NUDT3: variants seen among roughly 807,000 people sequenced by gnomAD.
NUDT3 encodes the protein diphosphoinositol polyphosphate phosphohydrolase 1.
NUDT3 carries 9 observed loss-of-function variants against 23.6 expected under a neutral mutation model. That is an observed-to-expected ratio of 0.38 (90% CI 0.23 to 0.66). The LOEUF (loss-of-function observed/expected upper bound fraction) is 0.66. Among genes scored for constraint, NUDT3 ranks in the 30% least tolerant of loss-of-function variants. The probability of loss-of-function intolerance (pLI) is 0.52; values close to 1 mark genes in which losing one functional copy is unlikely to be tolerated. For missense variants in NUDT3, 172 were observed against 218.5 expected, an observed-to-expected ratio of 0.79 and a Z score of 1.34; for synonymous variants, 86 against 82.6, an observed-to-expected ratio of 1.04 and a Z score of -0.22.
chr6:34,380,089 T>A (rs866629109), intron 1 of NUDT3, among the ~76,000 whole-genome samples: 4 of 152,138 alleles, frequency 2.6e-5, no homozygotes, highest in Non-Finnish European at 5.9e-5. Context: ...TTTATTTATT[T>A]ATTTATTTTT....
intron 1 of NUDT3, among the ~76,000 whole-genome samples, chr6:34,391,899 C>T (rs770365006): frequency 2.0e-5 from 3 of 152,136 alleles, no homozygotes; most frequent in Non-Finnish European, 4.4e-5. Context: ...CTGACAACTG[C>T]GGAGCGGCCC....
chr6:34,295,811 G>C (rs1292667360), intron 2 of NUDT3, 126 bp from the exon 3 acceptor site: 3 of 1,068,340 alleles, frequency 2.8e-6, no homozygotes, highest in Non-Finnish European at 4.1e-6. Flanking sequence ...CAGACTCCAC[G>C]ATCTGTGAAG....
At chr6:34,298,993 AG>A (rs1763556657) in intron 2 of NUDT3, among the ~76,000 whole-genome samples, 1 of 152,228 alleles carries the variant, frequency 6.6e-6, no homozygotes, top group Admixed American at 6.5e-5. Context: ...TCACAGGCAA[AG>A]GTTCTCCCAG....
intron 4 of NUDT3, among the ~76,000 whole-genome samples, chr6:34,289,653 A>G (rs1197706033): frequency 5.9e-5 from 9 of 152,344 alleles, no homozygotes; most frequent in African/African-American, 2.2e-4. Flanking sequence ...AAGTTTTCTT[A>G]TAAGAGTGAA....
At position 34,286,726 on chromosome 6, in the gene NUDT3, C is replaced by G. The variant is rs1763339154; in HGVS notation, c.*2027G>C. The G allele has an allele frequency of 7.0e-6, 1 of 141,878 alleles. No homozygotes were observed. The highest frequency in any genetic ancestry group is 2.7e-5 in the African/African-American group (1 of 37,384). The allele number at this position is 141,878 out of a possible 1,614,324, so 8.8% of individuals were successfully genotyped here. Reference sequence around the variant, plus strand: ...CCAAGAATATAACTGCTCTTTGGCTCTGTGTGTGAAGATTGGGGGAGAGGA... The same window carrying G: ...CCAAGAATATAACTGCTCTTTGGCTGTGTGTGTGAAGATTGGGGGAGAGGA... On this transcript the variant is annotated 3_prime_UTR_variant, in exon 5 of 5. Coordinates refer to ENST00000607016, the MANE Select transcript of NUDT3 (RefSeq NM_006703.4).
At chr6:34,314,257 T>C in intron 2 of NUDT3, among the ~76,000 whole-genome samples, 1 of 149,592 alleles carries the variant, frequency 6.7e-6, no homozygotes, top group East Asian at 2.0e-4. Flanking sequence ...ACCCCATCTC[T>C]ACTGAAAATA....
chr6:34,367,012 C>T (rs1011743326), intron 1 of NUDT3, among the ~76,000 whole-genome samples: 14 of 152,272 alleles, frequency 9.2e-5, no homozygotes, highest in African/African-American at 3.1e-4. Context: ...CCTGCCTCAG[C>T]CTCCCAAGTA....
chr6:34,302,222 G>A (rs139440433), intron 2 of NUDT3, among the ~76,000 whole-genome samples: 2,474 of 150,552 alleles, frequency 0.016, 69 homozygotes, highest in African/African-American at 0.058. Context: ...TAGAGATGAG[G>A]TTTTGCCATG....
intron 2 of NUDT3, among the ~76,000 whole-genome samples, chr6:34,320,573 G>A (rs181603668): frequency 2.6e-5 from 4 of 152,212 alleles, no homozygotes; most frequent in East Asian, 1.9e-4. Flanking sequence ...GTGACTTAAC[G>A]CCTGTAATCT....
chr6:34,380,767 T>A (rs1765003137), intron 1 of NUDT3, among the ~76,000 whole-genome samples: 1 of 152,188 alleles, frequency 6.6e-6, no homozygotes, highest in Non-Finnish European at 1.5e-5. Context: ...AGGCAGGGAA[T>A]AACAGCTTTC....
chr6:34,306,197 A>C (rs1169685232), intron 2 of NUDT3, among the ~76,000 whole-genome samples: 1 of 152,172 alleles, frequency 6.6e-6, no homozygotes, highest in Non-Finnish European at 1.5e-5. Flanking sequence ...TAACTCTGAT[A>C]ATTTTTACTT....
At chr6:34,351,858 C>T (rs1156234358) in intron 1 of NUDT3, among the ~76,000 whole-genome samples, 1 of 151,346 alleles carries the variant, frequency 6.6e-6, no homozygotes, top group African/African-American at 2.4e-5. Context: ...ATTGGCAGTG[C>T]TAAGGATGAG....
chr6:34,351,216 A>AAAAAAAAAAAAAAAAAAAAAAAC (rs1561915130), intron 1 of NUDT3, among the ~76,000 whole-genome samples: 3 of 130,826 alleles, frequency 2.3e-5, no homozygotes, highest in African/African-American at 1.0e-4. Context: ...AAAAAAAAAA[A>AAAAAAAAAAAAAAAAAAAAAAAC]AAAAAAAAAA....
rs932897717 is a variant in NUDT3 at position 34,354,489 on chromosome 6, G to A, written c.100-12517C>T. ...TGTAATCTCAACACTCTGGGAGGCCGAGGCAGATGGATTTCTTGAGGTCAG... is the reference window on the plus strand; with the variant it reads ...TGTAATCTCAACACTCTGGGAGGCCAAGGCAGATGGATTTCTTGAGGTCAG... On this transcript the variant is annotated intron_variant, in intron 1 of 4. Coordinates refer to ENST00000607016, the MANE Select transcript of NUDT3 (RefSeq NM_006703.4). Among the ~76,000 whole-genome samples, 6 of 151,576 alleles carry A rather than the reference G, an allele frequency of 4.0e-5. No individual in the cohort carries two copies. The East Asian group carries it at 7.8e-4, about 20-fold the overall frequency.
rs746598444 is a variant in NUDT3 at position 34,392,337 on chromosome 6, G to A, written c.26C>T (p.Thr9Ile). The A allele has an allele frequency of 1.2e-6, 2 of 1,605,874 alleles. No homozygotes were observed. Among genetic ancestry groups the A allele is most frequent in the East Asian group, 4.5e-5 (2 of 44,020 alleles). Residue 9 changes from threonine (T) to isoleucine (I), a missense_variant, in exon 1 of 5, where the codon ACC becomes ATC. Transcript: ENST00000607016. ...GTAGCCGTCGCCGTCGTAGGTGCGG[G>A]TCTGGTTCGACTTGAGCTTCATCAT... The part of the protein sequence containing the change: MMKLKSNQ[T>I]RTYDGDGYKK...
intron 1 of NUDT3, among the ~76,000 whole-genome samples, chr6:34,387,612 A>C (rs1765127224): frequency 6.6e-6 from 1 of 151,144 alleles, no homozygotes; most frequent in African/African-American, 2.4e-5. Context: ...AGGTGGAAGG[A>C]TCACTTGAGC....
At chr6:34,317,848 C>T (rs923412501) in intron 2 of NUDT3, among the ~76,000 whole-genome samples, 8 of 152,156 alleles carry the variant, frequency 5.3e-5, no homozygotes, top group Non-Finnish European at 1.0e-4. Flanking sequence ...TACTTCTAGT[C>T]AAAGTGTCTT....
At chr6:34,330,806 A>T (rs991465381) in intron 2 of NUDT3, among the ~76,000 whole-genome samples, 1 of 152,240 alleles carries the variant, frequency 6.6e-6, no homozygotes, top group Admixed American at 6.5e-5. Flanking sequence ...GTCTCCAAAA[A>T]GAAAAAAAGA....
At chr6:34,376,858 C>T (rs1764930877) in intron 1 of NUDT3, among the ~76,000 whole-genome samples, 1 of 152,074 alleles carries the variant, frequency 6.6e-6, no homozygotes, top group Admixed American at 6.6e-5. Flanking sequence ...CCCTTAGCTC[C>T]CAGCCAGCTG....
Sources: allele counts gnomAD v4.1 joint callset (sites outside exome capture counted in the v4.1 genomes callset), GRCh38; gene constraint gnomAD v4.1.1; transcripts MANE v1.5; gene names NCBI Gene and HGNC (gene_info 2026-07-23, HGNC 2026-07-21).